Variants in CC2D2A observed in about 807,000 individuals in gnomAD.
CC2D2A encodes coiled-coil and C2 domain-containing protein 2A.
Under a neutral mutation model 212.9 loss-of-function variants are expected in CC2D2A, and 155 were observed. The observed-to-expected ratio is 0.73, with a 90% CI of 0.64 to 0.83. The LOEUF is 0.83. CC2D2A is among the 40% of genes least tolerant of loss of function. CC2D2A has a pLI of 0.00. For synonymous variants in CC2D2A, 667 were observed against 686.5 expected, an observed-to-expected ratio of 0.97 and a Z score of 0.44; for missense variants, 1,856 against 1,956.2, an observed-to-expected ratio of 0.95 and a Z score of 0.97.
At chr4:15,589,905 A>G (rs1029690344) in intron 33 of CC2D2A, among the ~76,000 whole-genome samples, 3 of 152,102 alleles carry the variant, frequency 2.0e-5, no homozygotes, top group African/African-American at 7.2e-5. Context: ...CTGCCCGAGA[A>G]GCAGAATGAC....
At chr4:15,472,547 T>A (rs1032799781) in intron 1 of CC2D2A, among the ~76,000 whole-genome samples, 18 of 151,908 alleles carry the variant, frequency 1.2e-4, no homozygotes, top group African/African-American at 4.4e-4. Flanking sequence ...AAAAAGAAAA[T>A]CCCATTACAT....
At chr4:15,523,804 CA>C (rs1487775438) in intron 11 of CC2D2A, among the ~76,000 whole-genome samples, 2 of 152,196 alleles carry the variant, frequency 1.3e-5, no homozygotes, top group African/African-American at 2.4e-5. Context: ...GAATTCTCTA[CA>C]CATAAGGGGA....
intron 4 of CC2D2A, among the ~76,000 whole-genome samples, chr4:15,489,572 C>T (rs1287799739): frequency 6.6e-6 from 1 of 152,178 alleles, no homozygotes; most frequent in East Asian, 1.9e-4. Context: ...CAATTCCCTA[C>T]CCTCCTTTAA....
At chr4:15,590,761 T>C (rs945284737) in intron 33 of CC2D2A, among the ~76,000 whole-genome samples, 4 of 152,242 alleles carry the variant, frequency 2.6e-5, no homozygotes, top group Non-Finnish European at 5.9e-5. Flanking sequence ...TCTTTTGAGA[T>C]AGTTTCGCTC....
intron 14 of CC2D2A, 106 bp downstream of exon 14, chr4:15,533,439 AACC>A (rs1212176277): frequency 1.3e-6 from 1 of 778,550 alleles, no homozygotes; most frequent in Non-Finnish European, 1.9e-6. Flanking sequence ...ATATGCATGT[AACC>A]ACTTCCCAGG....
At chr4:15,554,876 T>C (rs1719199369) in intron 19 of CC2D2A, among the ~76,000 whole-genome samples, 196 bp from the exon 20 acceptor site, 1 of 152,208 alleles carries the variant, frequency 6.6e-6, no homozygotes, top group African/African-American at 2.4e-5. Context: ...AGTCCTTCCA[T>C]TCCTGTTTCT....
chr4:15,518,589 G>T (rs866171510), intron 11 of CC2D2A, among the ~76,000 whole-genome samples: 34 of 152,340 alleles, frequency 2.2e-4, no homozygotes, highest in Middle Eastern at 6.8e-3. Context: ...CTTCTGCACT[G>T]CCCTAGCAGA....
intron 4 of CC2D2A, chr4:15,481,146 G>A (rs1714615668): frequency 2.2e-6 from 1 of 465,024 alleles, no homozygotes; most frequent in Non-Finnish European, 4.3e-6. Flanking sequence ...TCATGAATTG[G>A]TTGGTGTTGT....
At chr4:15,487,298 T>C (rs989433401) in intron 4 of CC2D2A, among the ~76,000 whole-genome samples, 3 of 152,114 alleles carry the variant, frequency 2.0e-5, no homozygotes, top group Non-Finnish European at 2.9e-5. Flanking sequence ...TCTAATAATA[T>C]TTGCTTTATA....
chr4:15,570,399 A>G lies in CC2D2A; in HGVS notation c.3497A>G (p.Asp1166Gly). 1.3e-6 allele frequency: 2 copies of G among 1,587,812 alleles called. No homozygotes were observed. The highest frequency in any genetic ancestry group is 1.7e-6 in the Non-Finnish European group (2 of 1,161,266). The change falls in exon 28 of 37, where the codon GAT (aspartate) becomes GGT (glycine). Residue 1166 changes from aspartate (D) to glycine (G), a missense_variant and splice_region_variant. Around this residue, in one of 5 missense-constraint regions of CC2D2A, gnomAD observed 1,512 missense variants for 1,579.3 expected, o/e 0.96. Transcript: ENST00000424120. ...FDEVLHDVLE[D>G]DRERGSGIHT... ...TATTACTTCCCACCCTTCCTTTAGG[A>G]TGACCGTGAAAGAGGAAGTGGAATC...
chr4:15,542,215 C>T (rs1363912763), intron 17 of CC2D2A, among the ~76,000 whole-genome samples: 2 of 152,108 alleles, frequency 1.3e-5, no homozygotes, highest in Non-Finnish European at 2.9e-5. Context: ...AGTTTCTGGG[C>T]GGACATCAAT....
At chr4:15,474,437 A>G (rs1047580330) in intron 1 of CC2D2A, among the ~76,000 whole-genome samples, 1 of 152,188 alleles carries the variant, frequency 6.6e-6, no homozygotes, top group Non-Finnish European at 1.5e-5. Flanking sequence ...TGGTTACCAG[A>G]GGCTGGGAAA....
chr4:15,503,242 G>T (rs904228399), intron 6 of CC2D2A, among the ~76,000 whole-genome samples: 3 of 152,142 alleles, frequency 2.0e-5, no homozygotes, highest in African/African-American at 4.8e-5. Flanking sequence ...GTTCAAAGCT[G>T]CAGTGAGCTA....
At chr4:15,495,842 T>A (rs1452285615) in intron 4 of CC2D2A, among the ~76,000 whole-genome samples, 1 of 152,250 alleles carries the variant, frequency 6.6e-6, no homozygotes, top group Non-Finnish European at 1.5e-5. Flanking sequence ...TAATTTGCAT[T>A]CCCACTCACA....
chr4:15,500,107 G>A (rs9994633), intron 4 of CC2D2A, among the ~76,000 whole-genome samples: 15,790 of 110,302 alleles, frequency 0.14, 1,484 homozygotes, highest in African/African-American at 0.28. Context: ...GTGTGTGTGT[G>A]TATATATATA....
intron 16 of CC2D2A, among the ~76,000 whole-genome samples, chr4:15,540,548 G>A (rs940684836): frequency 5.3e-5 from 8 of 152,102 alleles, no homozygotes; most frequent in African/African-American, 1.7e-4. Flanking sequence ...TTAAAACTTT[G>A]GGACACAAAT....
chr4:15,502,905 G>GA lies in CC2D2A; in HGVS notation c.421dup (p.Thr141AsnfsTer2). On this transcript the variant is annotated frameshift_variant, in exon 6 of 37. Coordinates refer to ENST00000424120, the MANE Select transcript of CC2D2A (RefSeq NM_001378615.1). LOFTEE classifies it high-confidence loss of function. ...GAAGTCCCAGTAAGAAAGAATTGGA[G>GA]ACTGAATTTGGCACAGAGGTGAGAA... 1 of 1,609,538 alleles carries GA rather than the reference G, an allele frequency of 6.2e-7. No homozygotes were observed. Among genetic ancestry groups the GA allele is most frequent in the Non-Finnish European group, 8.5e-7 (1 of 1,178,316 alleles).
intron 18 of CC2D2A, among the ~76,000 whole-genome samples, chr4:15,551,851 T>C (rs1027075393): frequency 1.3e-5 from 2 of 152,190 alleles, no homozygotes; most frequent in African/African-American, 4.8e-5. Context: ...TTGTGACTTA[T>C]ATCTGGAACT....
intron 17 of CC2D2A, among the ~76,000 whole-genome samples, chr4:15,546,275 A>T (rs1326758310): frequency 6.6e-6 from 1 of 152,222 alleles, no homozygotes. Context: ...TTAGAAATTT[A>T]AAAAGCTTTG....
Sources: gnomAD v4.1 joint callset for allele counts (sites outside exome capture counted in the v4.1 genomes callset) on GRCh38, gnomAD v4.1.1 for gene constraint, gnomAD v4.1.1 regional missense constraint, MANE v1.5 for transcripts, NCBI Gene and HGNC (gene_info 2026-07-23, HGNC 2026-07-21) for gene names.